FOXP2: variants seen among roughly 807,000 people sequenced by gnomAD.
The protein encoded by FOXP2 is forkhead box protein P2.
In FOXP2, 12 loss-of-function variants were observed where a neutral mutation model predicts 115.8. The ratio of observed to expected loss-of-function variants is 0.10; its 90% CI spans 0.07 to 0.17. FOXP2 has a LOEUF of 0.17. Among genes scored for constraint, FOXP2 ranks in the 10% least tolerant of loss-of-function variants. FOXP2 has a pLI of 1.00. For synonymous variants in FOXP2, 328 were observed against 297.7 expected (o/e 1.10, Z -1.05); for missense variants, 629 against 843.5 (o/e 0.75, Z 3.15).
At chr7:114,207,077 AAGGCTT>A (rs1794218900) in intron 1 of FOXP2, among the ~76,000 whole-genome samples, 1 of 152,182 alleles carries the variant, frequency 6.6e-6, no homozygotes, top group African/African-American at 2.4e-5. Context: ...CCTTTTATAT[AAGGCTT>A]ATTTCACTTA....
intron 2 of FOXP2, among the ~76,000 whole-genome samples, chr7:114,471,954 C>A (rs1312736763): frequency 6.8e-6 from 1 of 147,574 alleles, no homozygotes; most frequent in African/African-American, 2.5e-5. Context: ...AGTGAAACTC[C>A]ATCTCAGGAA....
intron 1 of FOXP2, among the ~76,000 whole-genome samples, chr7:114,203,155 T>C (rs1794115074): frequency 6.6e-6 from 1 of 152,228 alleles, no homozygotes; most frequent in Non-Finnish European, 1.5e-5. Context: ...GAAGTTTTCT[T>C]AATTATTTTT....
At chr7:114,147,215 ATTAT>A (rs1284659885) in intron 1 of FOXP2, among the ~76,000 whole-genome samples, 2 of 152,118 alleles carry the variant, frequency 1.3e-5, no homozygotes, top group African/African-American at 2.4e-5. Flanking sequence ...GATCAAATAG[ATTAT>A]TTATATGATA....
chr7:114,652,671 G>C (rs1431633735), intron 9 of FOXP2, among the ~76,000 whole-genome samples: 2 of 151,962 alleles, frequency 1.3e-5, no homozygotes, highest in African/African-American at 2.4e-5. Flanking sequence ...TTATATTGTG[G>C]CAAATGACCA....
At chr7:114,652,554 G>T (rs1806328501) in intron 9 of FOXP2, among the ~76,000 whole-genome samples, 1 of 152,038 alleles carries the variant, frequency 6.6e-6, no homozygotes, top group Non-Finnish European at 1.5e-5. Flanking sequence ...AAAGTAGTCA[G>T]ATCTAAGTTT....
rs576979706 is a variant in FOXP2, at chr7:114,509,472, C to T, written c.169-25145C>T. ...AGAAACGATAGGAGCTTGAACTAGG[C>T]TGGATGCAGTAGAAGTGGTATAAAG... On this transcript the variant is annotated intron_variant, in intron 2 of 16. Coordinates refer to ENST00000350908, the MANE Select transcript of FOXP2 (RefSeq NM_014491.4). Among the ~76,000 whole-genome samples the T allele has an allele frequency of 5.9e-4, 89 of 151,988 alleles. 1 individual carries two copies. Among genetic ancestry groups the T allele is most frequent in the African/African-American group, 2.0e-3 (85 of 41,486 alleles).
intron 1 of FOXP2, chr7:114,287,873 A>G (rs1796504925): frequency 8.1e-6 from 2 of 247,536 alleles, no homozygotes; most frequent in Non-Finnish European, 1.6e-5. Flanking sequence ...GTATTTGAAT[A>G]TTCACAAAGT....
At chr7:114,688,537 A>G (rs1483237779) in intron 16 of FOXP2, among the ~76,000 whole-genome samples, 1 of 152,148 alleles carries the variant, frequency 6.6e-6, no homozygotes, top group Non-Finnish European at 1.5e-5. Flanking sequence ...AATCTTTTTC[A>G]CAGCGATTCC....
chr7:114,646,690 G>T (rs898879833), intron 8 of FOXP2, among the ~76,000 whole-genome samples: 15 of 152,026 alleles, frequency 9.9e-5, no homozygotes, highest in African/African-American at 3.4e-4. Context: ...TCTGTTAACA[G>T]AGCTAATGTA....
chr7:114,380,023 A>C (rs531582069), intron 2 of FOXP2, among the ~76,000 whole-genome samples: 3 of 152,112 alleles, frequency 2.0e-5, no homozygotes, highest in African/African-American at 7.2e-5. Context: ...GGGTTACCCC[A>C]TATTAGGGGT....
chr7:114,555,370 G>C (rs1800406372), intron 3 of FOXP2, among the ~76,000 whole-genome samples: 1 of 152,104 alleles, frequency 6.6e-6, no homozygotes, highest in African/African-American at 2.4e-5. Flanking sequence ...TTGCTGTTCA[G>C]GTTTTTCATT....
intron 3 of FOXP2, among the ~76,000 whole-genome samples, chr7:114,569,332 T>C (rs1269282098): frequency 6.6e-6 from 1 of 151,924 alleles, no homozygotes; most frequent in Non-Finnish European, 1.5e-5. Context: ...TATTTCAACC[T>C]TATTTTTAGG....
Position 114,513,006 on chromosome 7 carries a change from C to T in FOXP2, c.169-21611C>T, listed in dbSNP as rs952183698. Among the ~76,000 whole-genome samples the T allele has an allele frequency of 6.6e-5, 10 of 152,114 alleles. No homozygotes were observed. The East Asian group carries it at 7.8e-4, about 12-fold the overall frequency. The stretch of plus-strand genomic sequence containing the variant: ...CTGAGGCAGGAGAATCACTTGAACC[C>T]GGGAGGCGGAGGCTGCAGTGAGCTG... On this transcript the variant is annotated intron_variant, in intron 2 of 16. Coordinates refer to ENST00000350908, the MANE Select transcript of FOXP2 (RefSeq NM_014491.4).
chr7:114,385,481 C>T (rs1408900672), intron 2 of FOXP2, among the ~76,000 whole-genome samples: 5 of 152,130 alleles, frequency 3.3e-5, no homozygotes, highest in South Asian at 2.1e-4. Flanking sequence ...GCCAGGAGTT[C>T]GGGACAACAG....
Position 114,572,959 on chromosome 7 carries a change from G to A in FOXP2, c.258+38253G>A, listed in dbSNP as rs73429382. The stretch of plus-strand genomic sequence containing the variant: ...TCCAAAGGTATCCCAAATTGTTCTT[G>A]GCTGCTTTGAATGCAGTGTTAAGTA... On this transcript the variant is annotated intron_variant, in intron 3 of 16. Coordinates refer to ENST00000350908, the MANE Select transcript of FOXP2 (RefSeq NM_014491.4). Among the ~76,000 whole-genome samples, 1,058 of 151,872 alleles carry A rather than the reference G, an allele frequency of 7.0e-3. 9 individuals carry two copies. The highest frequency in any genetic ancestry group is 0.024 in the African/African-American group (1,011 of 41,504).
chr7:114,299,748 T>C (rs1796832270), intron 2 of FOXP2, among the ~76,000 whole-genome samples: 1 of 151,952 alleles, frequency 6.6e-6, no homozygotes, highest in African/African-American at 2.4e-5. Context: ...ATTACAGGGA[T>C]TTCTATTTGC....
At chr7:114,392,395 C>T (rs1243999912) in intron 2 of FOXP2, among the ~76,000 whole-genome samples, 1 of 152,114 alleles carries the variant, frequency 6.6e-6, no homozygotes, top group South Asian at 2.1e-4. Flanking sequence ...CAAGAACAGT[C>T]GTTCATTCCT....
At chr7:114,558,881 CT>C (rs1800602963) in intron 3 of FOXP2, among the ~76,000 whole-genome samples, 1 of 152,200 alleles carries the variant, frequency 6.6e-6, no homozygotes, top group Non-Finnish European at 1.5e-5. Flanking sequence ...GCAGCTGATT[CT>C]TAACCTAGTG....
In FOXP2 at chr7:114,688,208, T is replaced by TACACACACACAC. The variant is rs56751704; in HGVS notation, c.2004-1546_2004-1535dup. ...ACACACAAACACATGCATACATGCA[T>TACACACACACAC]ACACACACACACACACACACACACA... is the stretch of plus-strand genomic sequence containing the variant. On this transcript the variant is annotated intron_variant, in intron 16 of 16. Transcript: ENST00000350908. Among the ~76,000 whole-genome samples the TACACACACACAC allele has an allele frequency of 4.9e-4, 56 of 115,360 alleles. 2 individuals carry two copies. Among genetic ancestry groups the TACACACACACAC allele is most frequent in the South Asian group, 1.5e-3 (5 of 3,264 alleles). The allele number at this position is 115,360 out of a possible 152,430, so 75.7% of individuals were successfully genotyped here. A position where few individuals can be genotyped will look rare whatever the true frequency, so the allele number is the denominator to read the frequency against.
Sources: gnomAD v4.1 joint callset for allele counts (sites outside exome capture counted in the v4.1 genomes callset) on GRCh38, gnomAD v4.1.1 for gene constraint, MANE v1.5 for transcripts, NCBI Gene and HGNC (gene_info 2026-07-23, HGNC 2026-07-21) for gene names.